ADCK2: variants seen among roughly 807,000 people sequenced by gnomAD.
ADCK2 encodes the protein uncharacterized aarF domain-containing protein kinase 2.
Under a neutral mutation model 52.3 loss-of-function variants are expected in ADCK2, and 37 were observed. The observed-to-expected ratio is 0.71, with a 90% CI of 0.54 to 0.93. ADCK2 has a LOEUF of 0.93. Ranked by LOEUF, ADCK2 falls within the 40% of genes least tolerant of loss-of-function variation. The pLI is 0.00. For synonymous variants in ADCK2, 321 were observed against 349.2 expected (o/e 0.92, Z 0.90); for missense variants, 695 against 798.7 (o/e 0.87, Z 1.56).
At chr7:140,675,383 C>A (rs950275318) in intron 2 of ADCK2, among the ~76,000 whole-genome samples, 5 of 152,180 alleles carry the variant, frequency 3.3e-5, no homozygotes, top group Admixed American at 6.5e-5. Flanking sequence ...GGGCTCAAGC[C>A]ATTCTCCCTC....
rs141845048 is a variant in ADCK2 at position 140,694,763 on chromosome 7, C to T, written c.1841C>T (p.Ala614Val). ...CCCAAACTGGACATCCTGGAGGCAG[C>T]GAGGCCCTTCCTCCTCACGGGCCCA... Reference protein sequence around the residue: ...LDPKLDILEAARPFLLTGPVC... With the variant: ...LDPKLDILEAVRPFLLTGPVC... The change falls in exon 8 of 8, where the codon GCG becomes GTG. Residue 614 changes from alanine to valine, a missense_variant. By Grantham distance (64) the Ala-to-Val change is moderately conservative. Transcript: ENST00000072869. The T allele has an allele frequency of 5.0e-4, 803 of 1,613,878 alleles. 6 individuals are homozygous for T. The highest frequency in any genetic ancestry group is 2.0e-3 in the Middle Eastern group (12 of 6,062).
chr7:140,673,126 CGGCGCGGCGCGGCGGGTGTCGGGCGG>C lies in ADCK2; in HGVS notation c.-197_-172del, dbSNP rs1428554501. ...GTCTGACAGCCCCTTCCGCGCGGCG[CGGCGCGGCGCGGCGGGTGTCGGGCGG>C]GGCGCGGGCCTCCGGCCTGAGGCCC... On this transcript the variant is annotated 5_prime_UTR_variant, in exon 1 of 8. Transcript: ENST00000072869. The surrounding 1 kb of genome is among the most constrained non-coding windows in gnomAD (Gnocchi z 6.4). 12 of 319,816 alleles carry C rather than the reference CGGCGCGGCGCGGCGGGTGTCGGGCGG, an allele frequency of 3.8e-5. No individual in the cohort carries two copies. Among genetic ancestry groups the C allele is most frequent in the South Asian group, 1.6e-4 (1 of 6,296 alleles). 19.8% of individuals were successfully genotyped at this position (319,816 alleles called of 1,614,324 possible).
rs1244221501 is a variant in ADCK2 at position 140,673,847 on chromosome 7, C to T, written c.517C>T (p.Arg173Ter). 6.2e-7 allele frequency: 1 copy of T among 1,613,898 alleles called. No individual in the cohort carries two copies. The highest frequency in any genetic ancestry group is 8.5e-7 in the Non-Finnish European group (1 of 1,180,048). Residue 173 changes from arginine (R) to a stop codon, truncating the protein, a stop_gained, in exon 1 of 8, where the codon CGA (arginine) becomes TGA (stop). Coordinates refer to ENST00000072869, the MANE Select transcript of ADCK2 (RefSeq NM_052853.4). LOFTEE classifies it high-confidence loss of function. This position sits in a 1 kb window ranked among gnomAD's most constrained non-coding sequence, Gnocchi z 6.4. Reference protein sequence around the residue: ...FCAQFSKLHVRVTPHPWTHTE... With the variant: ...FCAQFSKLHV ...TGCCCAATTTTCCAAGCTGCATGTC[C>T]GAGTGACGCCCCACCCGTGGACTCA...
chr7:140,680,215 G>A (rs531533557), intron 3 of ADCK2, among the ~76,000 whole-genome samples: 23 of 150,750 alleles, frequency 1.5e-4, no homozygotes, highest in Middle Eastern at 6.8e-3. Context: ...GCATGATCTC[G>A]GCTCACTGCA....
At position 140,693,603 on chromosome 7, in the gene ADCK2, T is replaced by A. The variant is rs1009781682; in HGVS notation, c.1741-1060T>A. Among the ~76,000 whole-genome samples, 4 of 152,352 alleles carry A rather than the reference T, an allele frequency of 2.6e-5. No homozygotes were observed. The East Asian group carries it at 7.7e-4, about 29-fold the overall frequency. On this transcript the variant is annotated intron_variant, in intron 7 of 7. Transcript: ENST00000072869. This position sits in a 1 kb window ranked among gnomAD's most constrained non-coding sequence, Gnocchi z 4.0. ...CTCTATAGAATGGGGATAACGATGATACTTTTGAAGAATAGTTGAAGAATC... is the reference window on the plus strand; with the variant it reads ...CTCTATAGAATGGGGATAACGATGAAACTTTTGAAGAATAGTTGAAGAATC...
Position 140,674,882 on chromosome 7 carries a change from G to GTGTTACCAGCTC in ADCK2, c.1080+126_1080+127insGTTACCAGCTCT. On this transcript the variant is annotated intron_variant, in intron 2 of 7. Coordinates refer to ENST00000072869, the MANE Select transcript of ADCK2 (RefSeq NM_052853.4). The surrounding 1 kb of genome is among the most constrained non-coding windows in gnomAD (Gnocchi z 4.6). ...TAACTCATGTGATGTGTTAGAGCTG[G>GTGTTACCAGCTC]TAACACTAGCTGATAAAGAACATCC... The GTGTTACCAGCTC allele has an allele frequency of 5.1e-6, 6 of 1,178,888 alleles. No individual in the cohort carries two copies. Among genetic ancestry groups the GTGTTACCAGCTC allele is most frequent in the Non-Finnish European group, 6.9e-6 (6 of 863,788 alleles). 73.0% of individuals were successfully genotyped at this position (1,178,888 alleles called of 1,614,324 possible). A position where few individuals can be genotyped will look rare whatever the true frequency, so the allele number is the denominator to read the frequency against.
intron 4 of ADCK2, among the ~76,000 whole-genome samples, chr7:140,682,359 C>T (rs1419927965): frequency 6.6e-6 from 1 of 151,998 alleles, no homozygotes; most frequent in Non-Finnish European, 1.5e-5. Context: ...GAGAGAATAG[C>T]CTTTGCTGAG....
At position 140,678,190 on chromosome 7, in the gene ADCK2, C is replaced by T. The variant is rs984591606; in HGVS notation, c.1081-965C>T. Among the ~76,000 whole-genome samples the T allele has an allele frequency of 5.3e-5, 8 of 151,962 alleles. No homozygotes were observed. Among genetic ancestry groups the T allele is most frequent in the East Asian group, 1.9e-4 (1 of 5,180 alleles). On this transcript the variant is annotated intron_variant, in intron 2 of 7. Transcript: ENST00000072869. The surrounding 1 kb of genome is among the most constrained non-coding windows in gnomAD (Gnocchi z 4.9). ...TGGGGGACAGGGACTGATCTGAGGGCGGTGAGGCTGCAAACTTGATGGCAT... is the reference window on the plus strand; with the variant it reads ...TGGGGGACAGGGACTGATCTGAGGGTGGTGAGGCTGCAAACTTGATGGCAT...
intron 7 of ADCK2, among the ~76,000 whole-genome samples, chr7:140,694,333 G>A (rs1365860177): frequency 1.3e-5 from 2 of 152,110 alleles, no homozygotes; most frequent in East Asian, 1.9e-4. Context: ...TGTAGGTTTC[G>A]AAGAATTACC....
chr7:140,687,379 A>C, intron 5 of ADCK2, 138 bp downstream of exon 5: 7 of 1,216,422 alleles, frequency 5.8e-6, no homozygotes, highest in Non-Finnish European at 7.8e-6. Flanking sequence ...CAGGAGTTCA[A>C]GGCCAGCCTG....
chr7:140,675,197 T>C (rs1794378698), intron 2 of ADCK2, among the ~76,000 whole-genome samples: 1 of 152,150 alleles, frequency 6.6e-6, no homozygotes, highest in East Asian at 1.9e-4. Flanking sequence ...GATGACATCA[T>C]GCCACTGCAC....
rs897221858 is a variant in ADCK2, at chr7:140,678,713, T to C, written c.1081-442T>C. Reference sequence around the variant, plus strand: ...TGGTTGGGGAGAGTAGCAGTGGCAGTGTCGATGCGGTGGGTGGAGAGCTGC... The same window carrying C: ...TGGTTGGGGAGAGTAGCAGTGGCAGCGTCGATGCGGTGGGTGGAGAGCTGC... On this transcript the variant is annotated intron_variant, in intron 2 of 7. Transcript: ENST00000072869. This position sits in a 1 kb window ranked among gnomAD's most constrained non-coding sequence, Gnocchi z 4.9. Among the ~76,000 whole-genome samples, 1 of 152,016 alleles carries C rather than the reference T, an allele frequency of 6.6e-6. No individual in the cohort carries two copies. The highest frequency in any genetic ancestry group is 1.5e-5 in the Non-Finnish European group (1 of 68,000).
chr7:140,688,235 G>A (rs1794641911), intron 5 of ADCK2, among the ~76,000 whole-genome samples: 1 of 152,046 alleles, frequency 6.6e-6, no homozygotes, highest in African/African-American at 2.4e-5. Flanking sequence ...GTAGAGATGG[G>A]GTTTCACCAT....
At chr7:140,684,992 G>A (rs367975634) in intron 4 of ADCK2, among the ~76,000 whole-genome samples, 3 of 152,220 alleles carry the variant, frequency 2.0e-5, no homozygotes, top group African/African-American at 7.2e-5. Flanking sequence ...AGTGGAGCGA[G>A]GATGAGGGGC....
rs772472209 is a variant in ADCK2, at chr7:140,673,511, G to C, written c.181G>C (p.Ala61Pro). ...CCTGTGCGGGGACGTGGGTGAGGGG[G>C]CCCCTGACGTTCTGAGTCGGCGAAG... ...VSLCGDVGEG[A>P]PDVLSRRRVR... Residue 61 changes from alanine (A) to proline (P), a missense_variant, in exon 1 of 8, where the codon GCC becomes CCC. Coordinates refer to ENST00000072869, the MANE Select transcript of ADCK2 (RefSeq NM_052853.4). The surrounding 1 kb of genome is among the most constrained non-coding windows in gnomAD (Gnocchi z 6.4). The C allele has an allele frequency of 1.2e-6, 2 of 1,601,156 alleles. No individual in the cohort carries two copies. Among genetic ancestry groups the C allele is most frequent in the Non-Finnish European group, 1.7e-6 (2 of 1,176,324 alleles).
intron 4 of ADCK2, among the ~76,000 whole-genome samples, chr7:140,684,412 C>G (rs1334199413): frequency 6.6e-6 from 1 of 152,120 alleles, no homozygotes; most frequent in Admixed American, 6.6e-5. Flanking sequence ...TTGTTAGCAG[C>G]CCCCATGCAG....
intron 4 of ADCK2, among the ~76,000 whole-genome samples, chr7:140,685,009 T>C (rs10241711): frequency 0.23 from 34,371 of 151,522 alleles, 7,391 homozygotes; most frequent in African/African-American, 0.57. Context: ...GGGCCTCCAG[T>C]TTTGGGGTCA....
intron 7 of ADCK2, 37 bp from the exon 8 acceptor site, chr7:140,694,626 A>G: frequency 6.3e-7 from 1 of 1,594,740 alleles, no homozygotes; most frequent in Non-Finnish European, 8.6e-7. Flanking sequence ...CTGTATCAGC[A>G]TGTTCTGAGA....
At chr7:140,687,346 G>C in intron 5 of ADCK2, 105 bp downstream of exon 5, 1 of 1,412,462 alleles carries the variant, frequency 7.1e-7, no homozygotes, top group South Asian at 1.5e-5. Context: ...TTGGAAGCCT[G>C]AGCGGGGAGG....
Sources: gnomAD v4.1 joint callset for allele counts (sites outside exome capture counted in the v4.1 genomes callset) on GRCh38, gnomAD v4.1.1 for gene constraint, Gnocchi (gnomAD v3.1) non-coding constraint, MANE v1.5 for transcripts, NCBI Gene and HGNC (gene_info 2026-07-23, HGNC 2026-07-21) for gene names.